The following SATB2 variants were observed in gnomAD, a reference collection of about 807,000 sequenced individuals.
SATB2 encodes the protein SATB homeobox 2, also known as DNA-binding protein SATB2.
In SATB2, 1 loss-of-function variant was observed where a neutral mutation model predicts 73.4. The observed-to-expected ratio is 0.01, with a 90% CI of 0.00 to 0.06. SATB2 has a LOEUF of 0.06. Among genes scored for constraint, SATB2 ranks in the 10% least tolerant of loss-of-function variants. The pLI is 1.00. For synonymous variants in SATB2, 397 were observed against 367.0 expected (o/e 1.08, Z -0.93); for missense variants, 459 against 945.8 (o/e 0.49, Z 6.75).
chr2:199,464,324 TGG>T lies in SATB2; in HGVS notation c.-141+510_-141+511del, dbSNP rs1308644075. On this transcript the variant is annotated intron_variant, in intron 1 of 11. Transcript: ENST00000260926. The surrounding 1 kb of genome is among the most constrained non-coding windows in gnomAD (Gnocchi z 6.6). ...GCGGTCCCGGAGCCACATCCGGACTTGGGAACCCCGTGTCGGGCTTAGAGGAC... is the reference window on the plus strand; with the variant it reads ...GCGGTCCCGGAGCCACATCCGGACTTGAACCCCGTGTCGGGCTTAGAGGAC... Among the ~76,000 whole-genome samples, 4 of 152,086 alleles carry T rather than the reference TGG, an allele frequency of 2.6e-5. No homozygotes were observed. The highest frequency in any genetic ancestry group is 2.6e-4 in the Admixed American group (4 of 15,278).
intron 10 of SATB2, among the ~76,000 whole-genome samples, chr2:199,293,120 G>A (rs542145601): frequency 6.6e-6 from 1 of 152,224 alleles, no homozygotes; most frequent in Admixed American, 6.5e-5. Context: ...TCTGTTCCCT[G>A]GAATTTTGAT....
intron 9 of SATB2, among the ~76,000 whole-genome samples, chr2:199,319,776 A>G (rs1344204689): frequency 2.0e-5 from 3 of 152,142 alleles, no homozygotes; most frequent in Admixed American, 2.0e-4. Flanking sequence ...AGAAAAAAAA[A>G]AAGTCAGATG....
intron 6 of SATB2, among the ~76,000 whole-genome samples, chr2:199,353,621 C>A (rs1471626695): frequency 3.3e-5 from 5 of 152,066 alleles, no homozygotes; most frequent in African/African-American, 1.2e-4. Context: ...AAAATTGAGC[C>A]TGAGCGTTCT....
chr2:199,418,640 T>C (rs905311328), intron 3 of SATB2, among the ~76,000 whole-genome samples: 2 of 152,206 alleles, frequency 1.3e-5, no homozygotes, highest in Non-Finnish European at 1.5e-5. Flanking sequence ...TTTGTTTGAT[T>C]TGGTTTAGTA....
chr2:199,380,309 G>T (rs555479150), intron 5 of SATB2, 55 bp downstream of exon 5: 1 of 1,609,482 alleles, frequency 6.2e-7, no homozygotes. Context: ...CCCCCTGATA[G>T]AGAGTCTACC....
chr2:199,284,183 T>A (rs888549480), intron 10 of SATB2, among the ~76,000 whole-genome samples: 1 of 152,198 alleles, frequency 6.6e-6, no homozygotes, highest in African/African-American at 2.4e-5. Context: ...TTTTTTGATA[T>A]CAGTGGTGAT....
intron 3 of SATB2, among the ~76,000 whole-genome samples, chr2:199,406,144 T>C (rs1480732059): frequency 6.6e-6 from 1 of 152,152 alleles, no homozygotes; most frequent in African/African-American, 2.4e-5. Flanking sequence ...TTATGTAAGA[T>C]GGACTTGAGC....
At chr2:199,461,940 C>A (rs1692484647), upstream of SATB2, among the ~76,000 whole-genome samples, 1 of 152,170 alleles carries the variant, frequency 6.6e-6, no homozygotes. Flanking sequence ...ACCTTCCTTC[C>A]TAGAGGCCCG....
chr2:199,397,116 C>T (rs1249346676), intron 3 of SATB2: 1 of 150,590 alleles, frequency 6.6e-6, no homozygotes, highest in East Asian at 1.9e-4. Flanking sequence ...ATTCACAATC[C>T]TCTCTAGTAT....
At chr2:199,444,680 T>C (rs1691912788) in intron 2 of SATB2, among the ~76,000 whole-genome samples, 2 of 152,152 alleles carry the variant, frequency 1.3e-5, no homozygotes. Flanking sequence ...GAGGAAAGAA[T>C]TTCATCTGGG....
intron 2 of SATB2, among the ~76,000 whole-genome samples, chr2:199,450,511 T>C (rs893682413): frequency 1.3e-5 from 2 of 152,134 alleles, no homozygotes; most frequent in East Asian, 1.9e-4. Context: ...AAAGTTTGGC[T>C]TTCTGAAATA....
intron 3 of SATB2, among the ~76,000 whole-genome samples, chr2:199,395,534 A>C (rs912019113): frequency 6.6e-6 from 1 of 152,140 alleles, no homozygotes; most frequent in African/African-American, 2.4e-5. Context: ...CACCTCATTC[A>C]TCTAAGCTAG....
intron 8 of SATB2, among the ~76,000 whole-genome samples, chr2:199,325,757 C>G (rs755839803): frequency 1.5e-4 from 23 of 152,132 alleles, no homozygotes; most frequent in Non-Finnish European, 3.1e-4. Flanking sequence ...CTGAATCCAT[C>G]TAAACCTCAG....
At chr2:199,400,582 G>A (rs946517274) in intron 3 of SATB2, among the ~76,000 whole-genome samples, 3 of 152,152 alleles carry the variant, frequency 2.0e-5, no homozygotes, top group Admixed American at 6.5e-5. Context: ...TTTGCTATTT[G>A]CACTTACGTA....
chr2:199,396,707 T>C (rs1280721719), intron 3 of SATB2: 1 of 152,192 alleles, frequency 6.6e-6, no homozygotes, highest in Non-Finnish European at 1.5e-5. Flanking sequence ...AATATCACTT[T>C]TGTTGTTACC....
chr2:199,448,078 G>A (rs996935365), intron 2 of SATB2, among the ~76,000 whole-genome samples: 2 of 152,092 alleles, frequency 1.3e-5, no homozygotes, highest in African/African-American at 4.8e-5. Flanking sequence ...TGCTCTGTTA[G>A]CATCTTTGGA....
chr2:199,319,904 G>A (rs1189983613), intron 9 of SATB2, among the ~76,000 whole-genome samples: 1 of 152,078 alleles, frequency 6.6e-6, no homozygotes, highest in Non-Finnish European at 1.5e-5. Flanking sequence ...TCAAGGGAGA[G>A]AAATGTGGCT....
At chr2:199,391,715 G>A (rs1574581668) in intron 3 of SATB2, among the ~76,000 whole-genome samples, 3 of 151,838 alleles carry the variant, frequency 2.0e-5, no homozygotes, top group Admixed American at 6.6e-5. Flanking sequence ...GTGTTCTCTC[G>A]GTAAGCAAAT....
At chr2:199,428,071 C>T (rs1311800017) in intron 3 of SATB2, among the ~76,000 whole-genome samples, 3 of 152,040 alleles carry the variant, frequency 2.0e-5, no homozygotes, top group African/African-American at 7.2e-5. Flanking sequence ...AGGTTCAGAT[C>T]AACACTGACA....
Sources: allele counts gnomAD v4.1 joint callset (sites outside exome capture counted in the v4.1 genomes callset), GRCh38; gene constraint gnomAD v4.1.1; non-coding constraint Gnocchi (gnomAD v3.1); transcripts MANE v1.5; gene names NCBI Gene and HGNC (gene_info 2026-07-23, HGNC 2026-07-21).